Variants in CDC42BPG observed in about 807,000 individuals in gnomAD.
CDC42BPG encodes CDC42 binding protein kinase gamma.
A neutral mutation model predicts 192.2 loss-of-function variants in CDC42BPG; 157 were observed. That is an observed-to-expected ratio of 0.82 (90% confidence interval 0.72 to 0.93). CDC42BPG has a LOEUF of 0.93. Ranked by LOEUF, CDC42BPG falls within the 40% of genes least tolerant of loss-of-function variation. The probability of loss-of-function intolerance (pLI) is 0.00; values close to 1 mark genes in which losing one functional copy is unlikely to be tolerated. For missense variants in CDC42BPG, 1,992 were observed against 2,122.1 expected (o/e 0.94, Z 1.20); for synonymous variants, 981 against 918.5 (o/e 1.07, Z -1.23).
In CDC42BPG at chr11:64,840,233, G is replaced by T; in HGVS notation, c.468C>A (p.Leu156=). Residue 156 remains leucine (L), a synonymous_variant, in exon 5 of 37, where the codon CTC becomes CTA. Coordinates refer to ENST00000342711, the MANE Select transcript of CDC42BPG (RefSeq NM_017525.3). ...LVMDYYAGGD[L]LTLLSRFEDR... ...CCTCGAAGCGGCTCAGCAGCGTCAG[G>T]AGGTCCCCACCAGCATAGTAGTCCA... The T allele has an allele frequency of 6.2e-7, 1 of 1,612,864 alleles. No individual in the cohort carries two copies.
chr11:64,830,711 G>A (rs369857704), intron 28 of CDC42BPG, among the ~76,000 whole-genome samples: 47 of 152,310 alleles, frequency 3.1e-4, no homozygotes, highest in Admixed American at 1.6e-3. Context: ...AGCTGCTGGG[G>A]AACGCCAAGG....
At chr11:64,835,958 C>T in intron 13 of CDC42BPG, 107 bp from the exon 14 acceptor site, 1 of 1,299,302 alleles carries the variant, frequency 7.7e-7, no homozygotes, top group South Asian at 1.4e-5. Flanking sequence ...CATGAGGAGG[C>T]ATGGACTCCC....
In CDC42BPG at chr11:64,826,485, T is replaced by G. The variant is rs959693660; in HGVS notation, c.4584A>C (p.Ala1528=). ...ACCCGCTCACCTGCATTAGGGAGGTTGCAGGGCTCAGCGATCCCTGGGGGC... is the reference window on the plus strand; with the variant it reads ...ACCCGCTCACCTGCATTAGGGAGGTGGCAGGGCTCAGCGATCCCTGGGGGC... ...VSCPQGSLSP[A]TSLMQVSERP... is the part of the protein sequence containing the mutation. The change falls in exon 36 of 37, where the codon GCA becomes GCC. Residue 1528 remains alanine, a synonymous_variant. Coordinates refer to ENST00000342711, the MANE Select transcript of CDC42BPG (RefSeq NM_017525.3). The G allele has an allele frequency of 5.6e-6, 9 of 1,600,240 alleles. No homozygotes were observed. The highest frequency in any genetic ancestry group is 7.7e-6 in the Non-Finnish European group (9 of 1,173,554).
Position 64,832,591 on chromosome 11 carries a change from G to A in CDC42BPG, c.3005+13C>T, listed in dbSNP as rs772741067. On this transcript the variant is annotated intron_variant, in intron 26 of 36. Coordinates refer to ENST00000342711, the MANE Select transcript of CDC42BPG (RefSeq NM_017525.3). ...CACTAGTCCCTTGCCCCATGCCACT[G>A]CCCGGCACCTACCTCAGATCTAGGA... The A allele has an allele frequency of 1.3e-5, 21 of 1,613,966 alleles. No individual in the cohort carries two copies. The highest frequency in any genetic ancestry group is 1.8e-5 in the Non-Finnish European group (21 of 1,180,006).
At chr11:64,843,951 G>A (rs961334940) in intron 1 of CDC42BPG, among the ~76,000 whole-genome samples, 5 of 152,196 alleles carry the variant, frequency 3.3e-5, no homozygotes, top group Non-Finnish European at 4.4e-5. Flanking sequence ...TGCGGTCGGG[G>A]TGGTCTGCAG....
chr11:64,831,853 G>A, intron 27 of CDC42BPG, 132 bp from the exon 28 acceptor site: 5 of 759,780 alleles, frequency 6.6e-6, no homozygotes, highest in Non-Finnish European at 1.1e-5. Context: ...GGCCAGACAG[G>A]CAAACAGACA....
At chr11:64,834,997 G>A in intron 17 of CDC42BPG, 34 bp from the exon 18 acceptor site, 1 of 1,612,584 alleles carries the variant, frequency 6.2e-7, no homozygotes, top group Non-Finnish European at 8.5e-7. Flanking sequence ...CATGGGCTGG[G>A]CCCTCAGTCT....
chr11:64,839,357 G>A, intron 6 of CDC42BPG, 121 bp downstream of exon 6: 2 of 1,494,746 alleles, frequency 1.3e-6, no homozygotes, highest in African/African-American at 1.4e-5. Flanking sequence ...CCTGGGGCCT[G>A]GGTCTCACCC....
chr11:64,826,517 C>T lies in CDC42BPG; in HGVS notation c.4552G>A (p.Val1518Met). The change falls in exon 36 of 37, where the codon GTG becomes ATG. Residue 1518 changes from valine to methionine, a missense_variant. Physicochemically the swap from Val to Met is conservative, Grantham distance 21 (BLOSUM62 1). Transcript: ENST00000342711. ...CTCAGCGATCCCTGGGGGCAGGACACAGACTCGCTGGACAGGGATGTCCAG... is the reference window on the plus strand; with the variant it reads ...CTCAGCGATCCCTGGGGGCAGGACATAGACTCGCTGGACAGGGATGTCCAG... ...KPWTSLSSES[V>M]SCPQGSLSPA... 1.2e-6 allele frequency: 2 copies of T among 1,605,550 alleles called. No homozygotes were observed. The highest frequency in any genetic ancestry group is 1.7e-6 in the Non-Finnish European group (2 of 1,176,522).
chr11:64,824,136 C>A lies in CDC42BPG; in HGVS notation c.*337G>T. 2.6e-6 allele frequency: 1 copy of A among 384,040 alleles called. No homozygotes were observed. Among genetic ancestry groups the A allele is most frequent in the Non-Finnish European group, 4.9e-6 (1 of 204,428 alleles). The allele number at this position is 384,040 out of a possible 1,614,324, so 23.8% of individuals were successfully genotyped here. A position where few individuals can be genotyped will look rare whatever the true frequency, so the allele number is the denominator to read the frequency against. On this transcript the variant is annotated 3_prime_UTR_variant, in exon 37 of 37. Transcript: ENST00000342711. Reference sequence around the variant, plus strand: ...TCCCAGAGACCCAGTCCCTCTCCATCCCTCATCCCAACTCTTACAAGCCTC... The same window carrying A: ...TCCCAGAGACCCAGTCCCTCTCCATACCTCATCCCAACTCTTACAAGCCTC...
chr11:64,838,583 C>T (rs1451256582), intron 8 of CDC42BPG, 71 bp downstream of exon 8: 2 of 1,586,292 alleles, frequency 1.3e-6, no homozygotes, highest in African/African-American at 2.7e-5. Context: ...CAGGGGACTT[C>T]AGAGGGAGGG....
chr11:64,833,248 T>C lies in CDC42BPG; in HGVS notation c.2714A>G (p.Gln905Arg). The C allele has an allele frequency of 6.5e-7, 1 of 1,549,172 alleles. No homozygotes were observed. Among genetic ancestry groups the C allele is most frequent in the Non-Finnish European group, 8.7e-7 (1 of 1,146,498 alleles). ...ACTCTCACCATCACAACCCAGGCCC[T>C]GGCGGCCCAGGCCCAGCATCAGCGA... ...CTSLMLGLGR[Q>R]GLGCDACGYF... Residue 905 changes from glutamine to arginine, a missense_variant, in exon 24 of 37, where the codon CAG (glutamine) becomes CGG (arginine). Gln to Arg is a conservative substitution (Grantham distance 43). This residue lies in a region of CDC42BPG where 1,656 missense variants were observed against 1,844.3 expected (regional missense o/e 0.90). Transcript: ENST00000342711.
rs2136267769 is a variant in CDC42BPG at position 64,829,901 on chromosome 11, G to A, written c.3537C>T (p.Cys1179=). ...AGAKIPESRG[C]QVLAAGSILQ... is the part of the protein sequence containing the mutation. Reference sequence around the variant, plus strand: ...GGATGCTTCCAGCTGCCAGCACCTGGCAGCCTCGAGACTCGGGGATCTTGG... The same window carrying A: ...GGATGCTTCCAGCTGCCAGCACCTGACAGCCTCGAGACTCGGGGATCTTGG... Residue 1179 remains cysteine, a synonymous_variant, in exon 30 of 37, where the codon TGC becomes TGT. Coordinates refer to ENST00000342711, the MANE Select transcript of CDC42BPG (RefSeq NM_017525.3). 6.2e-7 allele frequency: 1 copy of A among 1,609,558 alleles called. No homozygotes were observed. Among genetic ancestry groups the A allele is most frequent in the East Asian group, 2.2e-5 (1 of 44,850 alleles).
intron 5 of CDC42BPG, 82 bp from the exon 6 acceptor site, chr11:64,839,653 A>C (rs1200346322): frequency 1.8e-6 from 2 of 1,138,918 alleles, no homozygotes; most frequent in Non-Finnish European, 2.5e-6. Flanking sequence ...GTGCACATGC[A>C]CGGTGTGTGC....
Position 64,830,081 on chromosome 11 carries a change from G to A in CDC42BPG, c.3368-11C>T, listed in dbSNP as rs1247839819. 3.1e-6 allele frequency: 5 copies of A among 1,612,508 alleles called. No individual in the cohort carries two copies. The highest frequency in any genetic ancestry group is 4.2e-6 in the Non-Finnish European group (5 of 1,179,526). On this transcript the variant is annotated splice_polypyrimidine_tract_variant and intron_variant, in intron 29 of 36. Coordinates refer to ENST00000342711, the MANE Select transcript of CDC42BPG (RefSeq NM_017525.3). ...CCACCTGGAAGATGTCTGCAGGGTT[G>A]GCGAGGGGAGAGTGTCACTGGCAGG...
chr11:64,829,347 G>T, intron 30 of CDC42BPG, 124 bp downstream of exon 30: 2 of 1,257,802 alleles, frequency 1.6e-6, no homozygotes, highest in Non-Finnish European at 2.2e-6. Flanking sequence ...GTGTTGTTGG[G>T]CTGGAGGATG....
chr11:64,843,466 C>G (rs985786401), intron 1 of CDC42BPG, among the ~76,000 whole-genome samples: 1 of 152,120 alleles, frequency 6.6e-6, no homozygotes, highest in Non-Finnish European at 1.5e-5. Flanking sequence ...GGGGACAACT[C>G]CCTGGCACAT....
At chr11:64,827,429 T>G (rs775254850) in intron 32 of CDC42BPG, 31 bp from the exon 33 acceptor site, 4 of 1,607,506 alleles carry the variant, frequency 2.5e-6, no homozygotes, top group South Asian at 2.2e-5. Flanking sequence ...TGGGCTGTGC[T>G]CACACATTCC....
At position 64,835,146 on chromosome 11, in the gene CDC42BPG, G is replaced by C. The variant is rs1441624392; in HGVS notation, c.1961C>G (p.Ala654Gly). 1 of 1,601,878 alleles carries C rather than the reference G, an allele frequency of 6.2e-7. No homozygotes were observed. The highest frequency in any genetic ancestry group is 1.1e-5 in the South Asian group (1 of 91,070). The change falls in exon 17 of 37, where the codon GCA (alanine) becomes GGA (glycine). Residue 654 changes from alanine (A) to glycine (G), a missense_variant. Ala to Gly is a moderately conservative substitution (Grantham distance 60). Coordinates refer to ENST00000342711, the MANE Select transcript of CDC42BPG (RefSeq NM_017525.3). The stretch of plus-strand genomic sequence containing the variant: ...GCTCTCCTGCTCCTGGGCCAGCTCT[G>C]CTTCTAGCTGGGGCCGGCCAGAGGA... ...RLSREQERLE[A>G]ELAQEQESKQ...
Sources: gnomAD v4.1 joint callset for allele counts (sites outside exome capture counted in the v4.1 genomes callset) on GRCh38, gnomAD v4.1.1 for gene constraint, gnomAD v4.1.1 regional missense constraint, MANE v1.5 for transcripts, NCBI Gene and HGNC (gene_info 2026-07-23, HGNC 2026-07-21) for gene names.